The following PEBP4 variants were observed in gnomAD, a reference collection of about 807,000 sequenced individuals.
PEBP4 encodes phosphatidylethanolamine-binding protein 4.
PEBP4 carries 22 observed loss-of-function variants against 23.9 expected under a neutral mutation model. The ratio of observed to expected loss-of-function variants is 0.92; its 90% CI spans 0.66 to 1.31. PEBP4 has a LOEUF of 1.31. Among genes scored for constraint, PEBP4 ranks in the 40% most tolerant of loss-of-function variants. The pLI is 0.00. For synonymous variants in PEBP4, 112 were observed against 99.3 expected, an observed-to-expected ratio of 1.13 and a Z score of -0.76; for missense variants, 324 against 281.7, an observed-to-expected ratio of 1.15 and a Z score of -1.07.
intron 4 of PEBP4, among the ~76,000 whole-genome samples, chr8:22,733,115 TC>T (rs1210061716): frequency 6.6e-6 from 1 of 152,218 alleles, no homozygotes; most frequent in Non-Finnish European, 1.5e-5. Flanking sequence ...AACTGGTTGA[TC>T]TCACAACATC....
intron 4 of PEBP4, among the ~76,000 whole-genome samples, chr8:22,768,918 G>A (rs562896905): frequency 1.3e-5 from 2 of 152,280 alleles, no homozygotes; most frequent in Admixed American, 6.5e-5. Flanking sequence ...AGTCGTCTCC[G>A]GGGCTCTGCC....
At chr8:22,792,242 C>A (rs1371154647) in intron 4 of PEBP4, among the ~76,000 whole-genome samples, 2 of 152,088 alleles carry the variant, frequency 1.3e-5, no homozygotes, top group East Asian at 3.9e-4. Context: ...GTCAATAGAT[C>A]AGCACTCCCT....
intron 4 of PEBP4, among the ~76,000 whole-genome samples, chr8:22,749,464 C>A (rs1805200025): frequency 6.6e-6 from 1 of 152,260 alleles, no homozygotes; most frequent in South Asian, 2.1e-4. Context: ...CTCCCCAGGC[C>A]CTGCATCTCC....
At chr8:22,821,611 T>TG (rs1286053588) in intron 3 of PEBP4, among the ~76,000 whole-genome samples, 1 of 152,022 alleles carries the variant, frequency 6.6e-6, no homozygotes, top group East Asian at 1.9e-4. Context: ...ATGGATTGCC[T>TG]GGGGAGAATC....
At chr8:22,928,425 C>T (rs1419199097), upstream of PEBP4, among the ~76,000 whole-genome samples, 1 of 152,198 alleles carries the variant, frequency 6.6e-6, no homozygotes, top group Non-Finnish European at 1.5e-5. Context: ...GTGCTGCACT[C>T]AGCACTCTCC....
intron 4 of PEBP4, among the ~76,000 whole-genome samples, chr8:22,765,148 CCTTT>C (rs1426531066): frequency 6.7e-5 from 10 of 149,340 alleles, no homozygotes; most frequent in South Asian, 2.2e-4. Flanking sequence ...TTCCTTCCTT[CCTTT>C]CTTTCTTCTG....
At chr8:22,746,477 C>A (rs1487260725) in intron 4 of PEBP4, among the ~76,000 whole-genome samples, 1 of 152,072 alleles carries the variant, frequency 6.6e-6, no homozygotes, top group Admixed American at 6.5e-5. Context: ...CAGATCTCAG[C>A]CAGAGAAGAA....
intron 3 of PEBP4, among the ~76,000 whole-genome samples, chr8:22,828,229 C>T (rs1229759211): frequency 6.6e-6 from 1 of 152,156 alleles, no homozygotes; most frequent in African/African-American, 2.4e-5. Flanking sequence ...CTCTGATCAG[C>T]TGTCAGGGCT....
At chr8:22,778,067 T>G (rs1356798373) in intron 4 of PEBP4, among the ~76,000 whole-genome samples, 1 of 152,082 alleles carries the variant, frequency 6.6e-6, no homozygotes, top group Non-Finnish European at 1.5e-5. Flanking sequence ...CCATCACGGT[T>G]CCCTTCCTGT....
intron 4 of PEBP4, among the ~76,000 whole-genome samples, chr8:22,761,428 A>AC (rs1250852410): frequency 7.4e-5 from 11 of 148,820 alleles, no homozygotes; most frequent in Admixed American, 3.4e-4. Context: ...GAGCGAGAAG[A>AC]CCCCCCTGCA....
chr8:22,797,157 G>A (rs1806277379), intron 4 of PEBP4, among the ~76,000 whole-genome samples: 3 of 151,242 alleles, frequency 2.0e-5, no homozygotes, highest in Non-Finnish European at 2.9e-5. Context: ...GGAAGGCTGA[G>A]GCAGAAGAAT....
rs1804343541 is a variant in PEBP4 at position 22,713,304 on chromosome 8, G to T, written c.*66C>A. 6.6e-7 allele frequency: 1 copy of T among 1,506,928 alleles called. No individual in the cohort carries two copies. Among genetic ancestry groups the T allele is most frequent in the Non-Finnish European group, 8.9e-7 (1 of 1,129,916 alleles). 93.3% of individuals were successfully genotyped at this position (1,506,928 alleles called of 1,614,324 possible). On this transcript the variant is annotated 3_prime_UTR_variant, in exon 7 of 7. Transcript: ENST00000256404. ...AAGAAGGGGTTCTGTATCCAGAGGG[G>T]GTTCCATACCCACATCGTCGGTGGT...
chr8:22,869,508 C>T (rs1450193215), intron 3 of PEBP4, among the ~76,000 whole-genome samples: 1 of 152,186 alleles, frequency 6.6e-6, no homozygotes, highest in East Asian at 1.9e-4. Context: ...GGCTCATGGA[C>T]TTTCCCCAGG....
At chr8:22,870,748 A>G (rs964553486) in intron 3 of PEBP4, among the ~76,000 whole-genome samples, 1 of 152,110 alleles carries the variant, frequency 6.6e-6, no homozygotes, top group Non-Finnish European at 1.5e-5. Flanking sequence ...TGGGGACCAA[A>G]AACTGCTCTA....
intron 3 of PEBP4, among the ~76,000 whole-genome samples, chr8:22,827,420 C>T (rs1198014316): frequency 1.3e-5 from 2 of 152,152 alleles, no homozygotes; most frequent in Non-Finnish European, 2.9e-5. Flanking sequence ...TCCAAGCAAC[C>T]ATGAATCTAC....
At chr8:22,841,301 A>G (rs936720802) in intron 3 of PEBP4, among the ~76,000 whole-genome samples, 2 of 152,278 alleles carry the variant, frequency 1.3e-5, no homozygotes, top group African/African-American at 4.8e-5. Context: ...GTAAAGTACA[A>G]TCATTCCTAC....
chr8:22,898,391 C>CAAAAAAAAAAA lies in PEBP4; in HGVS notation c.258+21782_258+21792dup, dbSNP rs536993520. On this transcript the variant is annotated intron_variant, in intron 3 of 6. Coordinates refer to ENST00000256404, the MANE Select transcript of PEBP4 (RefSeq NM_144962.3). ...TGAGCGACAGAGGAAGACTCCACCC[C>CAAAAAAAAAAA]AAAAAAAAAAAAAAAAAAAAAAAAA... Among the ~76,000 whole-genome samples, 39 of 7,968 alleles carry CAAAAAAAAAAA rather than the reference C, an allele frequency of 4.9e-3. 11 individuals carry two copies. Among genetic ancestry groups the CAAAAAAAAAAA allele is most frequent in the Admixed American group, 0.012 (8 of 654 alleles). The allele number at this position is 7,968 out of a possible 152,430, so 5.2% of individuals were successfully genotyped here.
intron 4 of PEBP4, among the ~76,000 whole-genome samples, chr8:22,815,480 C>T (rs1178954800): frequency 6.6e-6 from 1 of 152,334 alleles, no homozygotes; most frequent in African/African-American, 2.4e-5. Flanking sequence ...TTCACTTCCT[C>T]TGGTCGAGGT....
intron 4 of PEBP4, among the ~76,000 whole-genome samples, chr8:22,748,192 G>A (rs865800666): frequency 1.3e-5 from 2 of 152,180 alleles, no homozygotes; most frequent in African/African-American, 2.4e-5. Flanking sequence ...GAGAAAAGGG[G>A]AGCCCTTCTC....
Sources: allele counts gnomAD v4.1 joint callset (sites outside exome capture counted in the v4.1 genomes callset), GRCh38; gene constraint gnomAD v4.1.1; transcripts MANE v1.5; gene names NCBI Gene and HGNC (gene_info 2026-07-23, HGNC 2026-07-21).